Variants in B9D1 observed in about 807,000 individuals in gnomAD.
B9D1 encodes the protein B9 domain-containing protein 1.
A neutral mutation model predicts 26.1 loss-of-function variants in B9D1; 20 were observed. The ratio of observed to expected loss-of-function variants is 0.77; its 90% CI spans 0.54 to 1.12. B9D1 has a LOEUF of 1.12. B9D1 is among the 50% of genes most tolerant of loss of function. B9D1 has a pLI of 0.00. For synonymous variants in B9D1, 105 were observed against 103.1 expected (o/e 1.02, Z -0.11); for missense variants, 260 against 273.7 (o/e 0.95, Z 0.35).
chr17:19,346,123 C>A (rs570874569), intron 5 of B9D1, among the ~76,000 whole-genome samples: 39 of 152,368 alleles, frequency 2.6e-4, no homozygotes, highest in Admixed American at 1.8e-3. Context: ...GCTTTCCCAA[C>A]CCACTGATGG....
upstream of B9D1, among the ~76,000 whole-genome samples, chr17:19,364,879 G>T (rs1049992163): frequency 1.3e-4 from 20 of 152,378 alleles, no homozygotes; most frequent in African/African-American, 4.3e-4. The surrounding 1 kb of genome is among the most constrained non-coding windows in gnomAD (Gnocchi z 4.3). Flanking sequence ...CAGGGGTGAG[G>T]CTGGAAGCTG....
chr17:19,344,565 G>A, intron 5 of B9D1: 1 of 238,648 alleles, frequency 4.2e-6, no homozygotes, highest in Non-Finnish European at 8.9e-6. Context: ...GGCCGGGTGG[G>A]TCCAGCAGCC....
intron 3 of B9D1, among the ~76,000 whole-genome samples, chr17:19,353,836 A>G (rs1363125081): frequency 6.6e-6 from 1 of 152,038 alleles, no homozygotes; most frequent in East Asian, 1.9e-4. Context: ...GCTACTAAGG[A>G]GGCTGAGGCA....
At chr17:19,358,293 C>A (rs1414792803) in intron 2 of B9D1, among the ~76,000 whole-genome samples, 1 of 152,124 alleles carries the variant, frequency 6.6e-6, no homozygotes, top group African/African-American at 2.4e-5. Context: ...ACCTGAGTAT[C>A]CCCATCGGTA....
intron 1 of B9D1, among the ~76,000 whole-genome samples, chr17:19,368,029 A>G (rs922107153): frequency 6.6e-6 from 1 of 152,228 alleles, no homozygotes; most frequent in Non-Finnish European, 1.5e-5. Flanking sequence ...GGTTCCAGCC[A>G]CAGGGAGGGC....
chr17:19,354,243 A>G (rs1445224747), intron 3 of B9D1, among the ~76,000 whole-genome samples: 2 of 152,148 alleles, frequency 1.3e-5, no homozygotes, highest in African/African-American at 2.4e-5. Context: ...AAGAATTCCA[A>G]TGTACTGGCG....
intron 3 of B9D1, among the ~76,000 whole-genome samples, chr17:19,354,134 T>C (rs1374405646): frequency 6.6e-6 from 1 of 152,228 alleles, no homozygotes; most frequent in East Asian, 1.9e-4. Context: ...TTTCTTATTT[T>C]TCAAACATAT....
chr17:19,353,938 C>A, intron 3 of B9D1, among the ~76,000 whole-genome samples: 1 of 152,136 alleles, frequency 6.6e-6, no homozygotes, highest in South Asian at 2.1e-4. Flanking sequence ...AAAACTCTGT[C>A]TCAAAAAATT....
At chr17:19,340,045 C>G (rs192969766), downstream of B9D1, among the ~76,000 whole-genome samples, 10,769 of 133,508 alleles carry the variant, frequency 0.081, 1,715 homozygotes, top group African/African-American at 0.27. Flanking sequence ...CCCCCCCCCC[C>G]CCCGGCTTCC....
downstream of B9D1, among the ~76,000 whole-genome samples, chr17:19,341,651 TGAGG>T (rs2152249859): frequency 6.6e-6 from 1 of 152,124 alleles, no homozygotes; most frequent in East Asian, 1.9e-4. Context: ...AGAGAATGCA[TGAGG>T]GAGTTGTCTA....
At chr17:19,346,381 G>T (rs1567885968) in intron 5 of B9D1, among the ~76,000 whole-genome samples, 1 of 152,214 alleles carries the variant, frequency 6.6e-6, no homozygotes, top group African/African-American at 2.4e-5. Flanking sequence ...CCTCCACCCA[G>T]CAGGGCTCTG....
chr17:19,362,913 G>T (rs957378445), upstream of B9D1: 3 of 406,026 alleles, frequency 7.4e-6, no homozygotes, highest in Middle Eastern at 8.0e-4. Flanking sequence ...ACTCTGACTC[G>T]GCCCGGCTCC....
At chr17:19,337,643 C>G (rs1907554617), downstream of B9D1, 1 of 1,403,214 alleles carries the variant, frequency 7.1e-7, no homozygotes, top group Non-Finnish European at 9.7e-7. Flanking sequence ...ATCTCCAGGT[C>G]TCAGCGGCTT....
chr17:19,377,589 C>T (rs1172542344), intron 1 of B9D1: 2 of 154,374 alleles, frequency 1.3e-5, no homozygotes, highest in Non-Finnish European at 2.9e-5. Flanking sequence ...TTTAGAAAAC[C>T]TTTCCTTCCA....
downstream of B9D1, among the ~76,000 whole-genome samples, chr17:19,338,990 T>G (rs1409092680): frequency 6.6e-6 from 1 of 152,230 alleles, no homozygotes; most frequent in Admixed American, 6.5e-5. Context: ...GCTGCCTTAT[T>G]TCCTTGCTGC....
chr17:19,351,735 G>A (rs962382242), intron 3 of B9D1, among the ~76,000 whole-genome samples: 3 of 152,048 alleles, frequency 2.0e-5, no homozygotes, highest in East Asian at 3.8e-4. Context: ...CTTTTTTGCA[G>A]TTTTGGTAGT....
At chr17:19,343,682 T>A (rs1327468000) in intron 6 of B9D1, 108 bp downstream of exon 6, 26 of 1,610,356 alleles carry the variant, frequency 1.6e-5, no homozygotes, top group Non-Finnish European at 2.2e-5. Context: ...GTGGGCTAGC[T>A]CCTATGTGCC....
intron 3 of B9D1, among the ~76,000 whole-genome samples, chr17:19,349,846 C>T (rs1367648421): frequency 2.6e-5 from 4 of 152,174 alleles, no homozygotes; most frequent in African/African-American, 7.2e-5. Context: ...TCTTCCCTTA[C>T]CCTGATATCA....
chr17:19,340,083 A>G (rs183513268), downstream of B9D1, among the ~76,000 whole-genome samples: 783 of 144,112 alleles, frequency 5.4e-3, 4 homozygotes, highest in Non-Finnish European at 5.3e-3. Flanking sequence ...AGCCTCTTAA[A>G]TCTCACTGCA....
Sources: allele counts gnomAD v4.1 joint callset (sites outside exome capture counted in the v4.1 genomes callset), GRCh38; gene constraint gnomAD v4.1.1; non-coding constraint Gnocchi (gnomAD v3.1); transcripts MANE v1.5; gene names NCBI Gene and HGNC (gene_info 2026-07-23, HGNC 2026-07-21).